VGLL4: variants seen among roughly 807,000 people sequenced by gnomAD.
VGLL4 encodes the protein vestigial like family member 4.
In VGLL4, 7 loss-of-function variants were observed where a neutral mutation model predicts 21.0. The ratio of observed to expected loss-of-function variants is 0.33; its 90% CI spans 0.19 to 0.63. VGLL4 has a LOEUF of 0.63. Ranked by LOEUF, VGLL4 falls within the 20% of genes least tolerant of loss-of-function variation. The pLI, the probability that VGLL4 is intolerant of heterozygous loss-of-function variation, is 0.78. For synonymous variants in VGLL4, 222 were observed against 173.2 expected, an observed-to-expected ratio of 1.28 and a Z score of -2.21; for missense variants, 394 against 425.7, an observed-to-expected ratio of 0.93 and a Z score of 0.66.
upstream of VGLL4, among the ~76,000 whole-genome samples, chr3:11,645,044 A>G (rs2075767188): frequency 6.6e-6 from 1 of 151,942 alleles, no homozygotes; most frequent in South Asian, 2.1e-4. Flanking sequence ...CAGCTGTACT[A>G]TTTGCTATTG....
upstream of VGLL4, among the ~76,000 whole-genome samples, chr3:11,721,570 C>T (rs1377893116): frequency 1.3e-5 from 2 of 152,208 alleles, no homozygotes; most frequent in Admixed American, 6.5e-5. Context: ...TACATAGACT[C>T]CGTTTTAGTC....
chr3:11,593,571 A>AAAAAAC (rs111279376), intron 2 of VGLL4, among the ~76,000 whole-genome samples: 3 of 151,776 alleles, frequency 2.0e-5, no homozygotes, highest in East Asian at 3.9e-4. Context: ...AGGGCCAGGA[A>AAAAAAC]AAAACAAAAC....
upstream of VGLL4, among the ~76,000 whole-genome samples, chr3:11,644,914 A>C (rs1211903184): frequency 1.3e-5 from 2 of 152,008 alleles, no homozygotes; most frequent in Admixed American, 6.5e-5. Context: ...AGAGTGTTTA[A>C]GCAAATAGGG....
chr3:11,597,045 G>T lies in VGLL4; in HGVS notation c.272+4788C>A, dbSNP rs6780175. 4.1e-3 allele frequency among the ~76,000 whole-genome samples: 625 copies of T among 152,204 alleles called. 4 individuals are homozygous for T. The highest frequency in any genetic ancestry group is 0.014 in the African/African-American group (574 of 41,530). ...ATAAGAAAGTGCTCAACAACCACAA[G>T]GAAATAATGGAGGTTATGACAAGGA... is the stretch of plus-strand genomic sequence containing the variant. On this transcript the variant is annotated intron_variant, in intron 2 of 4. Transcript: ENST00000430365.
intron 2 of VGLL4, among the ~76,000 whole-genome samples, chr3:11,701,729 T>C (rs2076683278): frequency 6.6e-6 from 1 of 152,040 alleles, no homozygotes; most frequent in Admixed American, 6.6e-5. Flanking sequence ...GAACATACAC[T>C]TGCTGTCTGC....
At chr3:11,706,830 C>A (rs926822486) in intron 1 of VGLL4, among the ~76,000 whole-genome samples, 4 of 152,158 alleles carry the variant, frequency 2.6e-5, no homozygotes, top group Non-Finnish European at 5.9e-5. Context: ...GTGGCCAGAC[C>A]TGACTAGCTA....
intron 2 of VGLL4, chr3:11,702,837 C>A: frequency 1.5e-6 from 1 of 651,772 alleles, no homozygotes; most frequent in South Asian, 2.9e-5. Flanking sequence ...AAGCTGTTAT[C>A]TCTAAGGAAA....
chr3:11,614,356 T>C (rs1050268795), intron 1 of VGLL4, among the ~76,000 whole-genome samples: 2 of 152,354 alleles, frequency 1.3e-5, no homozygotes, highest in South Asian at 4.1e-4. Context: ...GCAACACCAT[T>C]GTGTGCTACC....
intron 1 of VGLL4, among the ~76,000 whole-genome samples, chr3:11,715,713 TA>T (rs1433548459): frequency 6.6e-6 from 1 of 152,178 alleles, no homozygotes; most frequent in East Asian, 1.9e-4. Flanking sequence ...CCAGTGTTCC[TA>T]GGGGAAATGA....
chr3:11,562,573 C>T (rs1029893612), intron 3 of VGLL4, among the ~76,000 whole-genome samples: 1 of 152,248 alleles, frequency 6.6e-6, no homozygotes, highest in African/African-American at 2.4e-5. Context: ...GCTGCTGGAG[C>T]ACAGGCAACG....
chr3:11,643,332 C>A, intron 1 of VGLL4, 105 bp downstream of exon 1: 1 of 1,571,578 alleles, frequency 6.4e-7, no homozygotes, highest in Non-Finnish European at 8.7e-7. Context: ...AAGTGCCCTA[C>A]ACCCCGGAGG....
intron 1 of VGLL4, among the ~76,000 whole-genome samples, chr3:11,718,257 T>A (rs1272177823): frequency 6.6e-6 from 1 of 152,176 alleles, no homozygotes; most frequent in Non-Finnish European, 1.5e-5. Context: ...AGGCCAGATG[T>A]AACAGGAAAT....
chr3:11,573,911 T>C (rs1045355224), intron 2 of VGLL4, among the ~76,000 whole-genome samples: 1 of 152,152 alleles, frequency 6.6e-6, no homozygotes, highest in African/African-American at 2.4e-5. Flanking sequence ...ATGTGACTGG[T>C]GTCCTATTAG....
chr3:11,700,914 C>T (rs1180106088), intron 2 of VGLL4, among the ~76,000 whole-genome samples: 1 of 152,232 alleles, frequency 6.6e-6, no homozygotes, highest in East Asian at 1.9e-4. Flanking sequence ...ATAATTATAC[C>T]TCACCATCAG....
chr3:11,628,265 G>GT (rs1461679515), intron 1 of VGLL4, among the ~76,000 whole-genome samples: 4 of 152,042 alleles, frequency 2.6e-5, no homozygotes, highest in African/African-American at 4.8e-5. Flanking sequence ...GTGCATGCCT[G>GT]TGATTCCAGC....
rs2076026587 is a variant in VGLL4 at position 11,660,816 on chromosome 3, T to C, written c.64+42155A>G. On this transcript the variant is annotated intron_variant, in intron 2 of 5. Coordinates refer to the VGLL4 transcript ENST00000273038. The stretch of plus-strand genomic sequence containing the variant: ...ATGTGGAATCTGAGTGGAAAAATCA[T>C]TTAAATTTAGCTTTAAAAATTAAAA... Among the ~76,000 whole-genome samples, 3 of 152,284 alleles carry C rather than the reference T, an allele frequency of 2.0e-5. No homozygotes were observed. The South Asian group carries it at 6.2e-4, about 32-fold the overall frequency.
intron 1 of VGLL4, among the ~76,000 whole-genome samples, chr3:11,618,033 C>T (rs2075197163): frequency 6.6e-6 from 1 of 152,180 alleles, no homozygotes; most frequent in Admixed American, 6.5e-5. Flanking sequence ...ATTTATTCAA[C>T]AGACATTTCC....
intron 1 of VGLL4, among the ~76,000 whole-genome samples, chr3:11,715,954 C>T (rs2076913216): frequency 6.6e-6 from 1 of 152,072 alleles, no homozygotes; most frequent in Non-Finnish European, 1.5e-5. Flanking sequence ...GAACATTAGA[C>T]AGCATTTTAG....
chr3:11,577,544 G>A (rs528418265), intron 2 of VGLL4, among the ~76,000 whole-genome samples: 2 of 152,288 alleles, frequency 1.3e-5, no homozygotes, highest in Non-Finnish European at 2.9e-5. Flanking sequence ...AGTGAGCCGA[G>A]ATCATGCCAC....
Sources: gnomAD v4.1 joint callset for allele counts (sites outside exome capture counted in the v4.1 genomes callset) on GRCh38, gnomAD v4.1.1 for gene constraint, MANE v1.5 for transcripts, NCBI Gene and HGNC (gene_info 2026-07-23, HGNC 2026-07-21) for gene names.